The following AK6 variants were observed in gnomAD, a reference collection of about 807,000 sequenced individuals.
AK6 encodes adenylate kinase 6.
AK6 carries 24 observed loss-of-function variants against 23.7 expected under a neutral mutation model. That is an observed-to-expected ratio of 1.01 (90% CI 0.73 to 1.43). The LOEUF is 1.43. Ranked by LOEUF, AK6 falls within the 40% of genes most tolerant of loss-of-function variation. AK6 has a pLI of 0.00. For synonymous variants in AK6, 73 were observed against 69.8 expected (o/e 1.05, Z -0.23); for missense variants, 191 against 199.1 (o/e 0.96, Z 0.24).
intron 2 of AK6, among the ~76,000 whole-genome samples, chr5:69,364,224 T>C (rs967853675): frequency 1.3e-5 from 2 of 150,980 alleles, no homozygotes; most frequent in African/African-American, 4.8e-5. Context: ...AAAATATATA[T>C]ATATATAAAC....
At chr5:69,358,213 T>C (rs1265623750) in intron 2 of AK6, among the ~76,000 whole-genome samples, 1 of 152,152 alleles carries the variant, frequency 6.6e-6, no homozygotes, top group Non-Finnish European at 1.5e-5. Flanking sequence ...CTTCATACTT[T>C]AAATCTTTGA....
At chr5:69,363,101 G>A (rs1478859773) in intron 2 of AK6, among the ~76,000 whole-genome samples, 1 of 152,102 alleles carries the variant, frequency 6.6e-6, no homozygotes, top group Admixed American at 6.6e-5. Context: ...GATGGTGTGT[G>A]CCTGTAGTCC....
chr5:69,355,894 C>T lies in AK6; in HGVS notation c.180+1G>A, dbSNP rs754522910. Reference sequence around the variant, plus strand: ...ATACTTTATGAAAAAGTCATACTTACTCTGTCTTCATCTAAAATGGGACAG... The same window carrying T: ...ATACTTTATGAAAAAGTCATACTTATTCTGTCTTCATCTAAAATGGGACAG... On this transcript the variant is annotated splice_donor_variant, in intron 3 of 4. Coordinates refer to ENST00000380822, the MANE Select transcript of AK6 (RefSeq NM_016283.5). LOFTEE classifies it high-confidence loss of function. 2 of 1,609,348 alleles carry T rather than the reference C, an allele frequency of 1.2e-6. No homozygotes were observed. Among genetic ancestry groups the T allele is most frequent in the Non-Finnish European group, 1.7e-6 (2 of 1,178,500 alleles).
chr5:69,369,726 C>T (rs1360671954), upstream of AK6: 2 of 1,549,110 alleles, frequency 1.3e-6, no homozygotes, highest in Non-Finnish European at 1.7e-6. Flanking sequence ...TACTTCGGGT[C>T]AGGCAGTGCG....
At chr5:69,361,454 T>C (rs1762234247) in intron 2 of AK6, among the ~76,000 whole-genome samples, 1 of 151,706 alleles carries the variant, frequency 6.6e-6, no homozygotes. Context: ...TTCTTTTTTT[T>C]TTGAGACGGA....
At chr5:69,369,373 T>C in intron 1 of AK6, 90 bp downstream of exon 1, 2 of 1,469,792 alleles carry the variant, frequency 1.4e-6, no homozygotes, top group Non-Finnish European at 1.8e-6. Flanking sequence ...AAGAGGGCAG[T>C]GAGGGGCCCC....
rs766801878 is a variant in AK6, at chr5:69,355,684, T to C, written c.291A>G (p.Thr97=). ...GTCTTTCGTACAATACATTGGTATC[T>C]GTTCTCAGCACAAAAACTATATGAA... is the stretch of plus-strand genomic sequence containing the variant. ...RWFHIVFVLR[T]DTNVLYERLE... The change falls in exon 4 of 5, where the codon ACA becomes ACG. Residue 97 remains threonine, a synonymous_variant. Transcript: ENST00000380822. The C allele has an allele frequency of 6.8e-6, 11 of 1,613,142 alleles. No individual in the cohort carries two copies. The East Asian group carries it at 1.3e-4, about 20-fold the overall frequency.
chr5:69,358,680 C>T (rs1420851752), intron 2 of AK6, among the ~76,000 whole-genome samples: 1 of 151,818 alleles, frequency 6.6e-6, no homozygotes, highest in Non-Finnish European at 1.5e-5. Flanking sequence ...ATGATTGTAG[C>T]CTGTACCAGA....
At position 69,365,237 on chromosome 5, in the gene AK6, T is replaced by A. The variant is rs139529741; in HGVS notation, c.121+1266A>T. 1.6e-4 allele frequency: 260 copies of A among 1,614,196 alleles called. No individual in the cohort carries two copies. The African/African-American group carries it at 3.2e-3, about 20-fold the overall frequency. On this transcript the variant is annotated intron_variant, in intron 2 of 4. Transcript: ENST00000380822. ...CTTTAGTTGAAACAGACATGGTCTG[T>A]GGGGTTGGTGTGCCTAGTGTGGGAG... is the stretch of plus-strand genomic sequence containing the variant.
At chr5:69,360,803 G>A (rs184737001) in intron 2 of AK6, among the ~76,000 whole-genome samples, 24 of 152,264 alleles carry the variant, frequency 1.6e-4, no homozygotes, top group Admixed American at 5.9e-4. Context: ...AAAGGGCCAG[G>A]TAATACCTTA....
intron 4 of AK6, among the ~76,000 whole-genome samples, chr5:69,353,845 C>T (rs959539818): frequency 1.3e-5 from 2 of 152,176 alleles, no homozygotes; most frequent in Non-Finnish European, 2.9e-5. Flanking sequence ...TCACAGCTCA[C>T]TGCAGCCTCA....
At chr5:69,355,551 CA>C (rs1242411455) in intron 4 of AK6, 97 bp downstream of exon 4, 2 of 1,331,758 alleles carry the variant, frequency 1.5e-6, no homozygotes, top group Non-Finnish European at 2.0e-6. Context: ...CAAAACAAAA[CA>C]AAACAAACAA....
chr5:69,355,990 C>T (rs757898013), intron 2 of AK6, 37 bp from the exon 3 acceptor site: 12 of 1,541,062 alleles, frequency 7.8e-6, no homozygotes, highest in Non-Finnish European at 9.7e-6. Flanking sequence ...GAAATATTTT[C>T]TAAGTAACTT....
At chr5:69,358,831 T>C (rs1454494239) in intron 2 of AK6, among the ~76,000 whole-genome samples, 10 of 152,148 alleles carry the variant, frequency 6.6e-5, no homozygotes, top group Admixed American at 6.5e-4. Flanking sequence ...GGTTGATTTG[T>C]TTAAGGACTG....
intron 2 of AK6, among the ~76,000 whole-genome samples, chr5:69,356,486 GAA>G (rs141748345): frequency 7.7e-6 from 1 of 130,640 alleles, no homozygotes; most frequent in Admixed American, 7.8e-5. Context: ...TGTTTCTACA[GAA>G]AAAAAAAAAA....
intron 2 of AK6, among the ~76,000 whole-genome samples, chr5:69,359,191 C>T (rs1475861404): frequency 6.6e-6 from 1 of 151,608 alleles, no homozygotes; most frequent in African/African-American, 2.4e-5. Flanking sequence ...AGGATTGCAC[C>T]ACTGTATTCC....
rs1025219080 is a variant in AK6 at position 69,366,569 on chromosome 5, G to C, written c.55C>G (p.Leu19Val). Residue 19 changes from leucine to valine, a missense_variant, in exon 2 of 5, where the codon CTA (leucine) becomes GTA (valine). Physicochemically the swap from Leu to Val is conservative, Grantham distance 32. Transcript: ENST00000380822. Reference sequence around the variant, plus strand: ...GATTTTGACGCAAGTTCTTTGCCTAGTGTGGTTTTTCCAACCCCTGGTGTA... The same window carrying C: ...GATTTTGACGCAAGTTCTTTGCCTACTGTGGTTTTTCCAACCCCTGGTGTA... ...TGTPGVGKTT[L>V]GKELASKSGL... The C allele has an allele frequency of 1.1e-5, 17 of 1,613,944 alleles. No individual in the cohort carries two copies. Among genetic ancestry groups the C allele is most frequent in the Non-Finnish European group, 1.4e-5 (17 of 1,179,970 alleles).
chr5:69,360,145 T>C (rs975334139), intron 2 of AK6, among the ~76,000 whole-genome samples: 3 of 151,942 alleles, frequency 2.0e-5, no homozygotes, highest in Non-Finnish European at 2.9e-5. Flanking sequence ...ACTATGTGAG[T>C]AAAAAGTTCA....
intron 2 of AK6, among the ~76,000 whole-genome samples, chr5:69,357,089 C>T (rs548387719): frequency 5.3e-5 from 8 of 152,232 alleles, no homozygotes; most frequent in African/African-American, 1.4e-4. Context: ...TATTTTGGTA[C>T]GGGTTGAAAT....
Sources: allele counts gnomAD v4.1 joint callset (sites outside exome capture counted in the v4.1 genomes callset), GRCh38; gene constraint gnomAD v4.1.1; transcripts MANE v1.5; gene names NCBI Gene and HGNC (gene_info 2026-07-23, HGNC 2026-07-21).